The following MARF1 variants were observed in gnomAD, a reference collection of about 807,000 sequenced individuals.
MARF1 encodes limkain-b1.
MARF1 carries 24 observed loss-of-function variants against 168.2 expected under a neutral mutation model. The ratio of observed to expected loss-of-function variants is 0.14; its 90% confidence interval spans 0.10 to 0.20. The LOEUF (loss-of-function observed/expected upper bound fraction) is 0.20. Among genes scored for constraint, MARF1 ranks in the 10% least tolerant of loss-of-function variants. The probability of loss-of-function intolerance (pLI) is 1.00; values close to 1 mark genes in which losing one functional copy is unlikely to be tolerated. For missense variants in MARF1, 1,744 were observed against 2,143.6 expected (o/e 0.81, Z 3.68); for synonymous variants, 868 against 822.4 (o/e 1.06, Z -0.95).
Position 15,612,793 on chromosome 16 carries a change from C to T in MARF1, c.3254-16G>A, listed in dbSNP as rs536295432. ...AGCCAAGGGTCTAGAAGAAAAAGAA[C>T]GTGTATAAGACAGAAAGCACAGATT... On this transcript the variant is annotated splice_polypyrimidine_tract_variant and intron_variant, in intron 16 of 26. Transcript: ENST00000396368. 75 of 1,604,482 alleles carry T rather than the reference C, an allele frequency of 4.7e-5. 1 individual carries two copies. The South Asian group carries it at 5.1e-4, about 11-fold the overall frequency.
rs768935355 is a variant in MARF1 at position 15,633,746 on chromosome 16, C to T, written c.1104G>A (p.Arg368=). Residue 368 remains arginine, a synonymous_variant, in exon 5 of 27, where the codon CGG becomes CGA. Coordinates refer to ENST00000396368, the MANE Select transcript of MARF1 (RefSeq NM_014647.4). The part of the protein sequence containing the change: ...DIENCSVPSG[R]SATAVVQRIR... ...TTCTTTGCACAACAGCAGTTGCTGA[C>T]CGGCCAGAGGGAACGGAGCAGTTTT... is the stretch of plus-strand genomic sequence containing the variant. 6.2e-6 allele frequency: 10 copies of T among 1,614,068 alleles called. No individual in the cohort carries two copies. The highest frequency in any genetic ancestry group is 4.4e-5 in the South Asian group (4 of 91,074).
chr16:15,638,587 A>G (rs2035750044), intron 2 of MARF1, among the ~76,000 whole-genome samples: 2 of 149,292 alleles, frequency 1.3e-5, no homozygotes, highest in African/African-American at 4.9e-5. Flanking sequence ...CTGCACCTCA[A>G]AAAAAAAAAA....
chr16:15,604,241 G>A lies in MARF1; in HGVS notation c.4340C>T (p.Thr1447Ile), dbSNP rs2032800510. 2 of 1,614,192 alleles carry A rather than the reference G, an allele frequency of 1.2e-6. No individual in the cohort carries two copies. The highest frequency in any genetic ancestry group is 1.7e-6 in the Non-Finnish European group (2 of 1,180,026). The change falls in exon 22 of 27, where the codon ACT becomes ATT. Residue 1447 changes from threonine (T) to isoleucine (I), a missense_variant. Thr to Ile is a moderately conservative substitution (Grantham distance 89). This residue lies in a region of MARF1 where 74 missense variants were observed against 66.7 expected (regional missense o/e 1.11). Coordinates refer to ENST00000396368, the MANE Select transcript of MARF1 (RefSeq NM_014647.4). ...TCCATATTCACAGGGGTTAAGGGGA[G>A]TGTTGTGGGTACTTTCGTAATGTCT... ...LKRHYESTHNTPLNPCEYGFM... is the reference protein window; with the variant it reads ...LKRHYESTHNIPLNPCEYGFM...
At chr16:15,625,869 C>A (rs566045478) in intron 7 of MARF1, 69 bp from the exon 8 acceptor site, 8 of 1,272,892 alleles carry the variant, frequency 6.3e-6, no homozygotes, top group East Asian at 2.3e-5. Context: ...AAAATAAGAA[C>A]AATGGGTGAC....
At position 15,615,848 on chromosome 16, in the gene MARF1, G is replaced by T. The variant is rs1047256730; in HGVS notation, c.3235C>A (p.Pro1079Thr). 2 of 1,574,290 alleles carry T rather than the reference G, an allele frequency of 1.3e-6. No individual in the cohort carries two copies. Among genetic ancestry groups the T allele is most frequent in the Non-Finnish European group, 8.6e-7 (1 of 1,158,658 alleles). ...CACCTACCAGTGTTGGGAGGCGGGG[G>T]CTTGTTGTGAATCCATTTAACCACT... ...IKVVKWIHNK[P>T]PPPNTDPWLL... The change falls in exon 16 of 27, where the codon CCC (proline) becomes ACC (threonine). Residue 1079 changes from proline (P) to threonine (T), a missense_variant. Around this residue, in one of 7 missense-constraint regions of MARF1, gnomAD observed 543 missense variants for 742.1 expected, o/e 0.73. Coordinates refer to ENST00000396368, the MANE Select transcript of MARF1 (RefSeq NM_014647.4).
chr16:15,617,601 C>T, intron 13 of MARF1, 66 bp from the exon 14 acceptor site: 1 of 1,047,718 alleles, frequency 9.5e-7, no homozygotes, highest in Non-Finnish European at 1.4e-6. Context: ...AAACACGCAT[C>T]CTGTTTAAAT....
rs957834670 is a variant in MARF1 at position 15,597,029 on chromosome 16, TA to T, written c.4985-93del. 1.1e-4 allele frequency: 156 copies of T among 1,387,574 alleles called. No homozygotes were observed. The African/African-American group carries it at 1.9e-3, about 17-fold the overall frequency. 86.0% of individuals were successfully genotyped at this position (1,387,574 alleles called of 1,614,324 possible). ...TTGCTCATATTTTCTCAAAAGATAATAATAGTAATAAAAAGCTTCTAAATGC... is the reference window on the plus strand; with the variant it reads ...TTGCTCATATTTTCTCAAAAGATAATATAGTAATAAAAAGCTTCTAAATGC... On this transcript the variant is annotated intron_variant, in intron 26 of 26. Coordinates refer to ENST00000396368, the MANE Select transcript of MARF1 (RefSeq NM_014647.4).
rs572017206 is a variant in MARF1 at position 15,607,598 on chromosome 16, T to C, written c.4182+693A>G. ...AAAGGGAGAGTGAACCCGTTCTGGCTGTTTACGGAATTAAATGACACAGAA... is the reference window on the plus strand; with the variant it reads ...AAAGGGAGAGTGAACCCGTTCTGGCCGTTTACGGAATTAAATGACACAGAA... On this transcript the variant is annotated intron_variant, in intron 21 of 26. Transcript: ENST00000396368. Among the ~76,000 whole-genome samples, 18 of 152,320 alleles carry C rather than the reference T, an allele frequency of 1.2e-4. No individual in the cohort carries two copies. In the South Asian group the frequency reaches 1.9e-3, roughly 16 times the overall value.
chr16:15,625,051 C>G lies in MARF1; in HGVS notation c.2076G>C (p.Ser692=), dbSNP rs183022429. The change falls in exon 9 of 27, where the codon TCG becomes TCC. Residue 692 remains serine (S), a synonymous_variant. Transcript: ENST00000396368. ...TTTTGTAAACGGGTTCTGCCACCCC[C>G]GAGTTTTTCGGCGTCGACACTGCAG... The part of the protein sequence containing the change: ...SSAAVSTPKN[S]GVAEPVYKTS... The G allele has an allele frequency of 6.2e-7, 1 of 1,614,182 alleles. No homozygotes were observed. The highest frequency in any genetic ancestry group is 1.7e-5 in the Admixed American group (1 of 60,014).
rs746252691 is a variant in MARF1 at position 15,600,474 on chromosome 16, G to C, written c.4767C>G (p.Pro1589=). The C allele has an allele frequency of 8.1e-6, 13 of 1,613,940 alleles. No individual in the cohort carries two copies. The highest frequency in any genetic ancestry group is 6.7e-5 in the African/African-American group (5 of 74,866). ...PSEGERILEV[P]ESHTASELKL... is the part of the protein sequence containing the mutation. ...TGAGTTCCGAGGCTGTGTGCGATTC[G>C]GGCACCTCCAGGATGCGCTCGCCCT... Residue 1589 remains proline (P), a synonymous_variant, in exon 25 of 27, where the codon CCC becomes CCG. Coordinates refer to ENST00000396368, the MANE Select transcript of MARF1 (RefSeq NM_014647.4).
intron 25 of MARF1, among the ~76,000 whole-genome samples, chr16:15,599,438 G>A (rs115049183): frequency 1.3e-3 from 200 of 152,276 alleles, no homozygotes; most frequent in African/African-American, 4.4e-3. Flanking sequence ...GCTGTAATAC[G>A]TGACTGCCTG....
chr16:15,635,205 CA>C (rs2035503579), intron 3 of MARF1: 1 of 443,062 alleles, frequency 2.3e-6, no homozygotes, highest in Admixed American at 3.9e-5. Context: ...AGACCTCACA[CA>C]TATTTTACAT....
At chr16:15,641,971 A>G (rs960839690) in intron 1 of MARF1, among the ~76,000 whole-genome samples, 1 of 152,174 alleles carries the variant, frequency 6.6e-6, no homozygotes, top group African/African-American at 2.4e-5. Flanking sequence ...CAATGAGGAG[A>G]GCATAGGCTC....
At chr16:15,606,822 A>C (rs1441067913) in intron 21 of MARF1, among the ~76,000 whole-genome samples, 1 of 152,108 alleles carries the variant, frequency 6.6e-6, no homozygotes, top group Admixed American at 6.6e-5. Flanking sequence ...CCAGGTAGGA[A>C]AACCAACAGC....
intron 22 of MARF1, 74 bp from the exon 23 acceptor site, chr16:15,602,277 C>T: frequency 8.0e-7 from 1 of 1,254,278 alleles, no homozygotes; most frequent in Non-Finnish European, 1.2e-6. Context: ...AGGCCTCCCA[C>T]TGAGGGAAAA....
At chr16:15,618,621 C>T (rs958035032) in intron 13 of MARF1, among the ~76,000 whole-genome samples, 1 of 152,180 alleles carries the variant, frequency 6.6e-6, no homozygotes, top group Non-Finnish European at 1.5e-5. Context: ...GCCCACATCC[C>T]TGGCCCTGGT....
Position 15,635,712 on chromosome 16 carries a change from C to T in MARF1, c.775G>A (p.Val259Met), listed in dbSNP as rs758927908. 2 of 1,614,048 alleles carry T rather than the reference C, an allele frequency of 1.2e-6. No individual in the cohort carries two copies. Among genetic ancestry groups the T allele is most frequent in the African/African-American group, 1.3e-5 (1 of 74,922 alleles). Residue 259 changes from valine to methionine, a missense_variant, in exon 3 of 27, where the codon GTG becomes ATG. This residue lies in a region of MARF1 where 318 missense variants were observed against 336.6 expected (regional missense o/e 0.94). Transcript: ENST00000396368. ...CCCTTTAAACAAACCGGAGGTACCA[C>T]ATTAAGGTGCAAAGAGTTGGTGCAC... ...HLCTNSLHLN[V>M]VPPVCLKGSL... is the part of the protein sequence containing the mutation.
chr16:15,617,567 G>A (rs2151160473), intron 13 of MARF1, 32 bp from the exon 14 acceptor site: 2 of 1,486,986 alleles, frequency 1.3e-6, no homozygotes, highest in Non-Finnish European at 1.8e-6. Flanking sequence ...CGCTGACTTA[G>A]AAGGTTTTTC....
In MARF1 at chr16:15,596,145, C is replaced by T. The variant is rs917541777; in HGVS notation, c.*548G>A. 6.5e-6 allele frequency: 1 copy of T among 152,720 alleles called. No homozygotes were observed. The highest frequency in any genetic ancestry group is 1.5e-5 in the Non-Finnish European group (1 of 68,072). The allele number at this position is 152,720 out of a possible 1,614,324, so 9.5% of individuals were successfully genotyped here. A position where few individuals can be genotyped will look rare whatever the true frequency, so the allele number is the denominator to read the frequency against. ...GTCACATGGAAGCCAGGAACCTTCA[C>T]ATTCCAACCTGAAAATACACTCCGA... On this transcript the variant is annotated 3_prime_UTR_variant, in exon 27 of 27. Coordinates refer to ENST00000396368, the MANE Select transcript of MARF1 (RefSeq NM_014647.4).
Sources: gnomAD v4.1 joint callset for allele counts (sites outside exome capture counted in the v4.1 genomes callset) on GRCh38, gnomAD v4.1.1 for gene constraint, gnomAD v4.1.1 regional missense constraint, MANE v1.5 for transcripts, NCBI Gene and HGNC (gene_info 2026-07-23, HGNC 2026-07-21) for gene names.